AGBL1: variants seen among roughly 807,000 people sequenced by gnomAD.
The protein encoded by AGBL1 is AGBL carboxypeptidase 1.
A neutral mutation model predicts 118.9 loss-of-function variants in AGBL1; 130 were observed. That is an observed-to-expected ratio of 1.09 (90% confidence interval 0.95 to 1.26). The LOEUF (loss-of-function observed/expected upper bound fraction) is 1.26. Among genes scored for constraint, AGBL1 ranks in the 50% most tolerant of loss-of-function variants. The probability of loss-of-function intolerance (pLI) is 0.00; values close to 1 mark genes in which losing one functional copy is unlikely to be tolerated. For synonymous variants in AGBL1, 555 were observed against 478.9 expected, an observed-to-expected ratio of 1.16 and a Z score of -2.08; for missense variants, 1,584 against 1,298.1, an observed-to-expected ratio of 1.22 and a Z score of -3.38.
intron 6 of AGBL1, among the ~76,000 whole-genome samples, chr15:86,242,569 G>A (rs973128585): frequency 6.6e-6 from 1 of 152,202 alleles, no homozygotes; most frequent in African/African-American, 2.4e-5. Flanking sequence ...TCTGCCCACA[G>A]ATTAGGACAT....
At position 86,892,559 on chromosome 15, in the gene AGBL1, C is replaced by CT. The variant is rs559586465; in HGVS notation, c.3159-14523dup. Among the ~76,000 whole-genome samples, 84 of 152,236 alleles carry CT rather than the reference C, an allele frequency of 5.5e-4. No homozygotes were observed. In the South Asian group the frequency reaches 0.016, roughly 29 times the overall value. On this transcript the variant is annotated intron_variant, in intron 22 of 22. Coordinates refer to ENST00000614907, the MANE Select transcript of AGBL1 (RefSeq NM_001386094.1). ...GAAAATTATCTAAACTTCTAAATCT[C>CT]TTTTTCCAATTGTTAAGTAGGATTG... is the stretch of plus-strand genomic sequence containing the variant.
chr15:86,280,263 A>G (rs1177159786), intron 16 of AGBL1, among the ~76,000 whole-genome samples: 1 of 152,180 alleles, frequency 6.6e-6, no homozygotes, highest in Non-Finnish European at 1.5e-5. Context: ...AGTGGTTCCA[A>G]TGACCATGAG....
intron 23 of AGBL1, among the ~76,000 whole-genome samples, chr15:86,966,083 A>C (rs2081049775): frequency 6.6e-6 from 1 of 152,002 alleles, no homozygotes; most frequent in African/African-American, 2.4e-5. Flanking sequence ...CAATAAGTGA[A>C]GGCCTTTAAT....
At chr15:86,934,862 A>G (rs1250570216) in intron 23 of AGBL1, among the ~76,000 whole-genome samples, 2 of 152,166 alleles carry the variant, frequency 1.3e-5, no homozygotes, top group Non-Finnish European at 2.9e-5. Context: ...ATTGATAAAT[A>G]TTTTTTAAAC....
At chr15:86,313,612 C>T (rs1368045898) in intron 17 of AGBL1, among the ~76,000 whole-genome samples, 1 of 152,212 alleles carries the variant, frequency 6.6e-6, no homozygotes, top group East Asian at 1.9e-4. Context: ...ATGTATCCAA[C>T]AGTTCAGCCT....
rs564483286 is a variant in AGBL1 at position 86,479,468 on chromosome 15, CA to C, written c.2556-43341del. ...AGAAGACATTTATGCCACCAACAGA[CA>C]CATGAAAAAATGCTCATCATCACTG... On this transcript the variant is annotated intron_variant, in intron 18 of 22. Coordinates refer to ENST00000614907, the MANE Select transcript of AGBL1 (RefSeq NM_001386094.1). 1.8e-3 allele frequency among the ~76,000 whole-genome samples: 275 copies of C among 152,276 alleles called. 1 individual carries two copies. The highest frequency in any genetic ancestry group is 3.0e-3 in the Non-Finnish European group (202 of 68,024).
intron 1 of AGBL1, among the ~76,000 whole-genome samples, chr15:86,097,561 C>T (rs529853764): frequency 1.9e-4 from 28 of 149,314 alleles, no homozygotes; most frequent in African/African-American, 6.7e-4. Context: ...TTAGCTCCCA[C>T]GTATGAGCGA....
chr15:86,955,438 C>T (rs2141676736), intron 23 of AGBL1, among the ~76,000 whole-genome samples: 1 of 151,830 alleles, frequency 6.6e-6, no homozygotes, highest in East Asian at 1.9e-4. Flanking sequence ...AAGAATTCAA[C>T]TCAAGATGGA....
intron 3 of AGBL1, among the ~76,000 whole-genome samples, chr15:86,148,191 C>A (rs977205511): frequency 1.3e-5 from 2 of 152,160 alleles, no homozygotes; most frequent in South Asian, 4.1e-4. Context: ...AGCAGAAAAG[C>A]TGAAAATTCT....
At chr15:86,486,799 G>A (rs767191399) in intron 18 of AGBL1, among the ~76,000 whole-genome samples, 21 of 151,886 alleles carry the variant, frequency 1.4e-4, no homozygotes, top group Non-Finnish European at 2.5e-4. Flanking sequence ...TGGACACTTG[G>A]GTCTCAGCTG....
intron 5 of AGBL1, among the ~76,000 whole-genome samples, chr15:86,167,998 A>T (rs776675764): frequency 2.0e-5 from 3 of 152,230 alleles, no homozygotes; most frequent in Non-Finnish European, 4.4e-5. Flanking sequence ...CATATGGTGC[A>T]TCATAGGTAT....
chr15:87,026,046 T>G (rs900757875), intron 24 of AGBL1, among the ~76,000 whole-genome samples: 7 of 151,550 alleles, frequency 4.6e-5, no homozygotes, highest in African/African-American at 1.5e-4. Flanking sequence ...ACCTGAAAAT[T>G]AAAATTCTAG....
intron 23 of AGBL1, among the ~76,000 whole-genome samples, chr15:86,940,121 C>G (rs902176006): frequency 3.2e-5 from 4 of 125,804 alleles, no homozygotes; most frequent in Admixed American, 2.0e-4. Context: ...GTTGCTCAGC[C>G]TGGGCTCGAA....
At chr15:86,687,718 C>T (rs995122133) in intron 22 of AGBL1, among the ~76,000 whole-genome samples, 4 of 152,022 alleles carry the variant, frequency 2.6e-5, no homozygotes, top group African/African-American at 4.8e-5. Flanking sequence ...TAAATCTGCA[C>T]GTTTTTGTTG....
chr15:86,695,281 G>C (rs1349332103), intron 22 of AGBL1, among the ~76,000 whole-genome samples: 1 of 151,950 alleles, frequency 6.6e-6, no homozygotes, highest in South Asian at 2.1e-4. Flanking sequence ...GCTTGTTATT[G>C]GTCTGTTCAG....
chr15:86,311,161 G>A (rs1253180435), intron 17 of AGBL1, among the ~76,000 whole-genome samples: 1 of 152,104 alleles, frequency 6.6e-6, no homozygotes, highest in African/African-American at 2.4e-5. Flanking sequence ...CTTTGTTCTT[G>A]GCACTTACAG....
At chr15:86,512,296 T>G (rs1322741726) in intron 18 of AGBL1, among the ~76,000 whole-genome samples, 1 of 152,004 alleles carries the variant, frequency 6.6e-6, no homozygotes. Context: ...AATATATTTC[T>G]AAGGACAAGG....
intron 24 of AGBL1, among the ~76,000 whole-genome samples, chr15:87,026,691 G>A (rs553823895): frequency 7.1e-6 from 1 of 141,420 alleles, no homozygotes; most frequent in East Asian, 1.9e-4. Flanking sequence ...GCACACACAT[G>A]TTTATAGCAG....
At chr15:86,101,787 A>T (rs150621979) in intron 1 of AGBL1, among the ~76,000 whole-genome samples, 1 of 152,274 alleles carries the variant, frequency 6.6e-6, no homozygotes, top group African/African-American at 2.4e-5. Context: ...AATTTCTAGT[A>T]GGCAGCATAT....
Sources: allele counts gnomAD v4.1 joint callset (sites outside exome capture counted in the v4.1 genomes callset), GRCh38; gene constraint gnomAD v4.1.1; transcripts MANE v1.5; gene names NCBI Gene and HGNC (gene_info 2026-07-23, HGNC 2026-07-21).